Variants in FOCAD observed in about 807,000 individuals in gnomAD.
The protein encoded by FOCAD is focadhesin, also known as KIAA1797.
A neutral mutation model predicts 225.6 loss-of-function variants in FOCAD; 198 were observed. The observed-to-expected ratio is 0.88, with a 90% CI of 0.78 to 0.99. The LOEUF is 0.99. Ranked by LOEUF, FOCAD falls within the 50% of genes least tolerant of loss-of-function variation. The probability of loss-of-function intolerance (pLI) is 0.00; values close to 1 mark genes in which losing one functional copy is unlikely to be tolerated. For missense variants in FOCAD, 2,713 were observed against 2,123.6 expected (o/e 1.28, Z -5.46); for synonymous variants, 897 against 755.0 (o/e 1.19, Z -3.08).
chr9:20,828,063 C>G (rs1048802559), intron 15 of FOCAD, among the ~76,000 whole-genome samples: 10 of 151,104 alleles, frequency 6.6e-5, no homozygotes, highest in African/African-American at 2.4e-4. Flanking sequence ...TCCCAGCACT[C>G]AGGAGGCTGA....
At chr9:20,779,818 A>T (rs1819187976) in intron 9 of FOCAD, among the ~76,000 whole-genome samples, 1 of 151,752 alleles carries the variant, frequency 6.6e-6, no homozygotes, top group African/African-American at 2.4e-5. Flanking sequence ...ATTTTAATTC[A>T]TGATTTTGGG....
At chr9:20,655,889 T>G (rs986416947), upstream of FOCAD, among the ~76,000 whole-genome samples, 6 of 152,244 alleles carry the variant, frequency 3.9e-5, no homozygotes, top group Admixed American at 3.9e-4. Flanking sequence ...TTTTAGATCT[T>G]TCCTGCTTTC....
chr9:20,687,054 G>T (rs1365791698), intron 1 of FOCAD, among the ~76,000 whole-genome samples: 6 of 150,254 alleles, frequency 4.0e-5, no homozygotes, highest in African/African-American at 1.2e-4. Context: ...TTGTGTTTAT[G>T]ATTTTAAAAG....
Position 20,926,339 on chromosome 9 carries a change from C to T in FOCAD, c.3000C>T (p.Ser1000=), listed in dbSNP as rs759212513. 1.2e-6 allele frequency: 2 copies of T among 1,612,866 alleles called. No individual in the cohort carries two copies. Among genetic ancestry groups the T allele is most frequent in the Non-Finnish European group, 1.7e-6 (2 of 1,179,136 alleles). Residue 1000 remains serine, a synonymous_variant, in exon 26 of 44, where the codon TCC becomes TCT. Transcript: ENST00000338382. ...TCCTTTCAATGAAAGAGTGGGTTTCCATGGTACTTGATACACTCTTGGTCA... is the reference window on the plus strand; with the variant it reads ...TCCTTTCAATGAAAGAGTGGGTTTCTATGGTACTTGATACACTCTTGGTCA... ...PNFLSMKEWV[S]MVLDTLLVIV...
chr9:20,914,894 G>A (rs1833746139), intron 23 of FOCAD, among the ~76,000 whole-genome samples: 1 of 152,166 alleles, frequency 6.6e-6, no homozygotes, highest in East Asian at 1.9e-4. Flanking sequence ...AGACTAGGAT[G>A]TTAGTGTGGA....
At chr9:20,728,056 A>G (rs1323272070) in intron 4 of FOCAD, among the ~76,000 whole-genome samples, 2 of 152,254 alleles carry the variant, frequency 1.3e-5, no homozygotes, top group Admixed American at 6.5e-5. Context: ...TATACACAGT[A>G]GTAATTATGC....
At position 20,799,233 on chromosome 9, in the gene FOCAD, C is replaced by A. The variant is rs568707121; in HGVS notation, c.1455+9625C>A. On this transcript the variant is annotated intron_variant, in intron 11 of 43. Transcript: ENST00000338382. ...GCGACAGTTTGTTATAATTTGTGTT[C>A]TTTTACATTTGCTGAGGAGTGCTTT... 5.3e-5 allele frequency among the ~76,000 whole-genome samples: 8 copies of A among 152,254 alleles called. No individual in the cohort carries two copies. The South Asian group carries it at 1.5e-3, about 28-fold the overall frequency.
At chr9:20,887,183 C>T (rs979587437) in intron 21 of FOCAD, among the ~76,000 whole-genome samples, 1 of 151,958 alleles carries the variant, frequency 6.6e-6, no homozygotes, top group Non-Finnish European at 1.5e-5. Context: ...CCTCCCATTA[C>T]TTTATCCTGA....
chr9:20,982,967 C>T (rs531905204), intron 39 of FOCAD, among the ~76,000 whole-genome samples: 4 of 152,214 alleles, frequency 2.6e-5, no homozygotes, highest in Non-Finnish European at 5.9e-5. Context: ...TGCATACCAA[C>T]TAATACCAAT....
chr9:20,859,536 C>A (rs889432224), intron 15 of FOCAD, among the ~76,000 whole-genome samples: 2 of 150,286 alleles, frequency 1.3e-5, no homozygotes, highest in South Asian at 4.2e-4. Context: ...ATTTGTATTA[C>A]AAGTTAAGTT....
intron 8 of FOCAD, among the ~76,000 whole-genome samples, chr9:20,772,675 GT>G (rs1297123972): frequency 1.3e-5 from 2 of 152,074 alleles, no homozygotes; most frequent in African/African-American, 4.8e-5. Context: ...GGTGGTGGTG[GT>G]TGGGGGGCGT....
chr9:20,788,237 C>G (rs1820139837), intron 10 of FOCAD, among the ~76,000 whole-genome samples: 1 of 152,120 alleles, frequency 6.6e-6, no homozygotes, highest in South Asian at 2.1e-4. Flanking sequence ...TATGTGTTTC[C>G]TATTATATGA....
At chr9:20,765,253 A>G (rs1439227103) in intron 7 of FOCAD, among the ~76,000 whole-genome samples, 180 bp downstream of exon 7, 1 of 152,176 alleles carries the variant, frequency 6.6e-6, no homozygotes, top group Non-Finnish European at 1.5e-5. Context: ...TAATATGAAT[A>G]TATTATATTC....
At chr9:20,889,578 T>C (rs1831432344) in intron 21 of FOCAD, among the ~76,000 whole-genome samples, 1 of 152,208 alleles carries the variant, frequency 6.6e-6, no homozygotes, top group Admixed American at 6.5e-5. Flanking sequence ...CTGTACTCAC[T>C]TTTGTTCCAT....
chr9:20,724,098 C>A (rs1023556494), intron 4 of FOCAD, among the ~76,000 whole-genome samples: 1 of 152,120 alleles, frequency 6.6e-6, no homozygotes, highest in East Asian at 1.9e-4. Context: ...ATCTGCCTCC[C>A]GTAATTCATT....
intron 1 of FOCAD, among the ~76,000 whole-genome samples, chr9:20,695,490 G>A (rs559804254): frequency 3.3e-5 from 5 of 151,960 alleles, no homozygotes; most frequent in Middle Eastern, 6.8e-3. Flanking sequence ...CTTTCCTCAC[G>A]TTTCTTTTTA....
chr9:20,823,017 G>A lies in FOCAD; in HGVS notation c.1822G>A (p.Ala608Thr), dbSNP rs368222789. Residue 608 changes from alanine (A) to threonine (T), a missense_variant, in exon 15 of 44, where the codon GCA (alanine) becomes ACA (threonine). Coordinates refer to ENST00000338382, the MANE Select transcript of FOCAD (RefSeq NM_001375567.1). ...RPYQHGADMLAAISQVLNECT... is the reference protein window; with the variant it reads ...RPYQHGADMLTAISQVLNECT... ...ATATCAACATGGTGCAGATATGTTG[G>A]CAGCTATTTCTCAAGTGTTGAATGA... 4.7e-5 allele frequency: 76 copies of A among 1,605,930 alleles called. 1 individual carries two copies. Among genetic ancestry groups the A allele is most frequent in the South Asian group, 4.6e-4 (41 of 89,642 alleles).
At chr9:20,773,653 T>A (rs1214801623) in intron 8 of FOCAD, among the ~76,000 whole-genome samples, 1 of 152,170 alleles carries the variant, frequency 6.6e-6, no homozygotes, top group Admixed American at 6.5e-5. Flanking sequence ...CTTTATAGTT[T>A]TGTCATCTCA....
intron 19 of FOCAD, among the ~76,000 whole-genome samples, chr9:20,879,004 G>A (rs1472523795): frequency 6.6e-6 from 1 of 152,092 alleles, no homozygotes; most frequent in Non-Finnish European, 1.5e-5. Context: ...ACAATTGGAT[G>A]GTGCCCATCA....
Sources: gnomAD v4.1 joint callset for allele counts (sites outside exome capture counted in the v4.1 genomes callset) on GRCh38, gnomAD v4.1.1 for gene constraint, MANE v1.5 for transcripts, NCBI Gene and HGNC (gene_info 2026-07-23, HGNC 2026-07-21) for gene names.